The following PLA2G4F variants were observed in gnomAD, a reference collection of about 807,000 sequenced individuals.
PLA2G4F encodes phospholipase A2 group IVF.
Under a neutral mutation model 103.1 loss-of-function variants are expected in PLA2G4F, and 105 were observed. The observed-to-expected ratio is 1.02, with a 90% CI of 0.87 to 1.20. PLA2G4F has a LOEUF of 1.20. Among genes scored for constraint, PLA2G4F ranks in the 50% most tolerant of loss-of-function variants. The pLI is 0.00. For missense variants in PLA2G4F, 1,155 were observed against 1,075.9 expected, an observed-to-expected ratio of 1.07 and a Z score of -1.03; for synonymous variants, 468 against 441.1, an observed-to-expected ratio of 1.06 and a Z score of -0.76.
intron 4 of PLA2G4F, 56 bp from the exon 5 acceptor site, chr15:42,153,716 C>T (rs2048982887): frequency 1.3e-6 from 2 of 1,589,898 alleles, no homozygotes; most frequent in Admixed American, 1.7e-5. Context: ...GCCTCCAGAG[C>T]TGTTCCTGCC....
chr15:42,142,431 G>A (rs2048834950), intron 19 of PLA2G4F, 97 bp downstream of exon 19: 1 of 1,407,668 alleles, frequency 7.1e-7, no homozygotes, highest in Non-Finnish European at 9.6e-7. Flanking sequence ...CAGGAGGCGT[G>A]CTTAGTGACA....
intron 11 of PLA2G4F, chr15:42,149,316 C>T (rs2048928118): frequency 1.4e-5 from 8 of 570,024 alleles, no homozygotes; most frequent in South Asian, 7.8e-5. Context: ...GACCCCAAGG[C>T]GCACGCTCTG....
chr15:42,150,817 G>GT, intron 7 of PLA2G4F, 40 bp from the exon 8 acceptor site: 1 of 1,584,052 alleles, frequency 6.3e-7, no homozygotes, highest in Non-Finnish European at 8.6e-7. Context: ...AGGTGAGGGG[G>GT]TGGGTCTGTG....
intron 1 of PLA2G4F, 60 bp downstream of exon 1, chr15:42,156,379 G>T: frequency 2.2e-6 from 3 of 1,389,786 alleles, no homozygotes; most frequent in Non-Finnish European, 2.0e-6. Context: ...TCTTCACAGG[G>T]CACTGCAGCT....
chr15:42,154,400 G>A lies in PLA2G4F; in HGVS notation c.243C>T (p.Ala81=), dbSNP rs1401732669. 5 of 1,611,358 alleles carry A rather than the reference G, an allele frequency of 3.1e-6. No individual in the cohort carries two copies. Among genetic ancestry groups the A allele is most frequent in the Non-Finnish European group, 4.2e-6 (5 of 1,178,188 alleles). The change falls in exon 3 of 20, where the codon GCC becomes GCT. Residue 81 remains alanine (A), a synonymous_variant. Coordinates refer to ENST00000397272, the MANE Select transcript of PLA2G4F (RefSeq NM_213600.4). The part of the protein sequence containing the change: ...LWLPTASPSP[A]QTRIVANCSD... ...TGCAGTTGGCCACTATCCTAGTCTG[G>A]GCAGGGCTTGGGGACGCCGTGGGCA...
rs970849705 is a variant in PLA2G4F, at chr15:42,151,312, G to A, written c.602-535C>T. ...GATGCGTGGGTACAGAGAGATGCAC[G>A]TCCTGGAGAAGCGGCGGAGGGCTAG... On this transcript the variant is annotated intron_variant, in intron 7 of 19. Coordinates refer to ENST00000397272, the MANE Select transcript of PLA2G4F (RefSeq NM_213600.4). The A allele has an allele frequency of 1.3e-5, 13 of 985,180 alleles. No individual in the cohort carries two copies. In the Admixed American group the frequency reaches 4.3e-4, roughly 33 times the overall value. The allele number at this position is 985,180 out of a possible 1,614,324, so 61.0% of individuals were successfully genotyped here.
Position 42,147,614 on chromosome 15 carries a change from C to T in PLA2G4F, c.1196+12G>A. ...TCTCCTTTACCCTGTGCCCTGCCCC[C>T]ACCTCACTTACCAGGTAGACCCAGA... On this transcript the variant is annotated intron_variant, in intron 12 of 19. Transcript: ENST00000397272. The T allele has an allele frequency of 1.2e-6, 2 of 1,613,804 alleles. No homozygotes were observed. Among genetic ancestry groups the T allele is most frequent in the East Asian group, 2.2e-5 (1 of 44,842 alleles).
rs1053313327 is a variant in PLA2G4F at position 42,145,764 on chromosome 15, A to G, written c.1672+2T>C. 1 of 1,613,860 alleles carries G rather than the reference A, an allele frequency of 6.2e-7. No individual in the cohort carries two copies. The highest frequency in any genetic ancestry group is 8.5e-7 in the Non-Finnish European group (1 of 1,179,960). ...GTCCCCAGCCCTCCAGCCTCGACTC[A>G]CCTTGCAGGTAACAGATCCGGGGTT... On this transcript the variant is annotated splice_donor_variant, in intron 15 of 19. Coordinates refer to ENST00000397272, the MANE Select transcript of PLA2G4F (RefSeq NM_213600.4). LOFTEE classifies it high-confidence loss of function.
chr15:42,148,959 C>G (rs986645179), intron 11 of PLA2G4F: 1 of 985,280 alleles, frequency 1.0e-6, no homozygotes, highest in Non-Finnish European at 1.2e-6. Context: ...GCCTTGTCAG[C>G]GCTGGGCCAC....
chr15:42,144,584 G>C lies in PLA2G4F; in HGVS notation c.1841C>G (p.Pro614Arg). The C allele has an allele frequency of 6.2e-7, 1 of 1,613,006 alleles. No individual in the cohort carries two copies. ...CACAGCCTGGGAGAAGGGCCCCTGT[G>C]GGGTGAGGAGCCTCGTTCGCAGCCT... is the stretch of plus-strand genomic sequence containing the variant. ...PSRLRTRLLTPQGPFSQAVLD... is the reference protein window; with the variant it reads ...PSRLRTRLLTRQGPFSQAVLD... Residue 614 changes from proline to arginine, a missense_variant, in exon 17 of 20, where the codon CCA becomes CGA. Pro to Arg is a moderately radical substitution (Grantham distance 103). Coordinates refer to ENST00000397272, the MANE Select transcript of PLA2G4F (RefSeq NM_213600.4).
chr15:42,153,086 G>A (rs532344990), intron 6 of PLA2G4F, among the ~76,000 whole-genome samples: 4 of 152,350 alleles, frequency 2.6e-5, no homozygotes, highest in East Asian at 1.9e-4. Flanking sequence ...AGTGAGTAAC[G>A]TGCTGTGTGG....
In PLA2G4F at chr15:42,147,293, C is replaced by T. The variant is rs1286672826; in HGVS notation, c.1250G>A (p.Gly417Asp). ...GTGAACCTGGGCACGCTCAATGGGG[C>T]CCTGCAAGGCCACCTGGGACCAGGC... ...DPAWSQVALQ[G>D]PIERAQVHVC... is the part of the protein sequence containing the mutation. Residue 417 changes from glycine to aspartate, a missense_variant, in exon 13 of 20, where the codon GGC becomes GAC. Physicochemically the swap from Gly to Asp is moderately conservative, Grantham distance 94. Coordinates refer to ENST00000397272, the MANE Select transcript of PLA2G4F (RefSeq NM_213600.4). 6.8e-6 allele frequency: 11 copies of T among 1,610,632 alleles called. No homozygotes were observed. Among genetic ancestry groups the T allele is most frequent in the Non-Finnish European group, 9.3e-6 (11 of 1,179,978 alleles).
At position 42,150,751 on chromosome 15, in the gene PLA2G4F, G is replaced by A. The variant is rs1308931364; in HGVS notation, c.628C>T (p.Pro210Ser). 3 of 1,609,622 alleles carry A rather than the reference G, an allele frequency of 1.9e-6. No individual in the cohort carries two copies. The highest frequency in any genetic ancestry group is 2.5e-6 in the Non-Finnish European group (3 of 1,178,688). The change falls in exon 8 of 20, where the codon CCT (proline) becomes TCT (serine). Residue 210 changes from proline (P) to serine (S), a missense_variant. Pro to Ser is a moderately conservative substitution (Grantham distance 74). Transcript: ENST00000397272. ...YGSRQLQLAV[P>S]GAYEKPQLLP... ...AGCTGTGGCTTCTCGTAGGCTCCAGGCACTGCCAGCTGGAGCTGCCTAGAG... is the reference window on the plus strand; with the variant it reads ...AGCTGTGGCTTCTCGTAGGCTCCAGACACTGCCAGCTGGAGCTGCCTAGAG...
At position 42,154,218 on chromosome 15, in the gene PLA2G4F, G is replaced by T. The variant is rs1595625122; in HGVS notation, c.324C>A (p.Asn108Lys). Reference protein sequence around the residue: ...FHYQIHGAVKNVLELTLYDKD... With the variant: ...FHYQIHGAVKKVLELTLYDKD... ...TGTCATAGAGGGTGAGCTCCAGGACGTTCTGGGGACAAGGCAGGCAGGAGG... is the reference window on the plus strand; with the variant it reads ...TGTCATAGAGGGTGAGCTCCAGGACTTTCTGGGGACAAGGCAGGCAGGAGG... The change falls in exon 4 of 20, where the codon AAC (asparagine) becomes AAA (lysine). Residue 108 changes from asparagine to lysine, a missense_variant and splice_region_variant. Coordinates refer to ENST00000397272, the MANE Select transcript of PLA2G4F (RefSeq NM_213600.4). The T allele has an allele frequency of 1.2e-6, 2 of 1,614,204 alleles. No individual in the cohort carries two copies. Among genetic ancestry groups the T allele is most frequent in the Non-Finnish European group, 1.7e-6 (2 of 1,180,028 alleles).
chr15:42,153,759 G>GCTT lies in PLA2G4F; in HGVS notation c.451-100_451-99insAAG. 4 of 1,336,022 alleles carry GCTT rather than the reference G, an allele frequency of 3.0e-6. No homozygotes were observed. The East Asian group carries it at 6.9e-5, about 23-fold the overall frequency. The allele number at this position is 1,336,022 out of a possible 1,614,324, so 82.8% of individuals were successfully genotyped here. A position where few individuals can be genotyped will look rare whatever the true frequency, so the allele number is the denominator to read the frequency against. ...CCTGCTTGGCTCCAGGGGCTAGAAG[G>GCTT]GGAGACTGGCATTGTGGCTTGTCAT... On this transcript the variant is annotated intron_variant, in intron 4 of 19. Transcript: ENST00000397272.
At chr15:42,145,927 G>C (rs2048879877) in intron 14 of PLA2G4F, 24 bp from the exon 15 acceptor site, 2 of 1,611,202 alleles carry the variant, frequency 1.2e-6, no homozygotes, top group Non-Finnish European at 1.7e-6. Context: ...TGAAGGGAAA[G>C]TCACCAGGGG....
intron 13 of PLA2G4F, chr15:42,146,723 G>A (rs1472910203): frequency 1.8e-5 from 4 of 227,056 alleles, no homozygotes; most frequent in Admixed American, 5.2e-5. Context: ...GCAGCCAGGC[G>A]GAGTGAGTTA....
chr15:42,151,172 T>C, intron 7 of PLA2G4F: 1 of 985,288 alleles, frequency 1.0e-6, no homozygotes. Context: ...ACTCATTGTG[T>C]TGGAGGTTTG....
Position 42,147,716 on chromosome 15 carries a change from A to G in PLA2G4F, c.1106T>C (p.Met369Thr). ...VLGSGGGTRAMSSLYGSLAGL... is the reference protein window; with the variant it reads ...VLGSGGGTRATSSLYGSLAGL... ...TGCCAGGCTGCCGTACAGAGAAGAC[A>G]TGGCTCGGGTTCCACCCCCGGAACC... Residue 369 changes from methionine (M) to threonine (T), a missense_variant, in exon 12 of 20, where the codon ATG (methionine) becomes ACG (threonine). This residue lies in a region of PLA2G4F where 782 missense variants were observed against 692.9 expected (regional missense o/e 1.13). Transcript: ENST00000397272. 1 of 1,608,304 alleles carries G rather than the reference A, an allele frequency of 6.2e-7. No homozygotes were observed. Among genetic ancestry groups the G allele is most frequent in the South Asian group, 1.1e-5 (1 of 90,950 alleles).
Sources: gnomAD v4.1 joint callset for allele counts (sites outside exome capture counted in the v4.1 genomes callset) on GRCh38, gnomAD v4.1.1 for gene constraint, gnomAD v4.1.1 regional missense constraint, MANE v1.5 for transcripts, NCBI Gene and HGNC (gene_info 2026-07-23, HGNC 2026-07-21) for gene names.